GALNTL6: variants seen among roughly 807,000 people sequenced by gnomAD.
GALNTL6 encodes polypeptide N-acetylgalactosaminyltransferase-like 6.
GALNTL6 carries 46 observed loss-of-function variants against 73.7 expected under a neutral mutation model. The observed-to-expected ratio is 0.62, with a 90% CI of 0.49 to 0.80. The LOEUF (loss-of-function observed/expected upper bound fraction) is 0.80. GALNTL6 is among the 30% of genes least tolerant of loss of function. The pLI, the probability that GALNTL6 is intolerant of heterozygous loss-of-function variation, is 0.00. For missense variants in GALNTL6, 604 were observed against 755.0 expected (o/e 0.80, Z 2.34); for synonymous variants, 259 against 263.7 (o/e 0.98, Z 0.17).
At chr4:172,473,875 C>T (rs564086164) in intron 5 of GALNTL6, among the ~76,000 whole-genome samples, 2 of 152,238 alleles carry the variant, frequency 1.3e-5, no homozygotes, top group East Asian at 3.9e-4. Context: ...ACAAATGCAC[C>T]ACTGTTTTCT....
chr4:172,309,420 G>T (rs1740271538), intron 3 of GALNTL6, among the ~76,000 whole-genome samples: 1 of 151,798 alleles, frequency 6.6e-6, no homozygotes, highest in Non-Finnish European at 1.5e-5. Flanking sequence ...TTTAAAAAGT[G>T]TTTTTAAAAT....
intron 7 of GALNTL6, among the ~76,000 whole-genome samples, chr4:172,878,806 A>G (rs1239793028): frequency 6.6e-6 from 1 of 151,888 alleles, no homozygotes; most frequent in East Asian, 1.9e-4. Flanking sequence ...AAAGTAAGTG[A>G]TCTAAATAAT....
chr4:172,890,933 T>C (rs1285860872), intron 8 of GALNTL6, among the ~76,000 whole-genome samples: 1 of 152,232 alleles, frequency 6.6e-6, no homozygotes, highest in Non-Finnish European at 1.5e-5. Context: ...CCATTTGTCA[T>C]TATGTAATGA....
At chr4:172,734,031 C>T (rs1159815942) in intron 5 of GALNTL6, among the ~76,000 whole-genome samples, 1 of 152,124 alleles carries the variant, frequency 6.6e-6, no homozygotes, top group East Asian at 1.9e-4. Context: ...GTGATATGGA[C>T]AATAAAGTCC....
At chr4:171,824,962 T>C (rs2110811824) in intron 2 of GALNTL6, among the ~76,000 whole-genome samples, 1 of 152,294 alleles carries the variant, frequency 6.6e-6, no homozygotes, top group South Asian at 2.1e-4. Flanking sequence ...ACAGAGAATG[T>C]AGCTCTTCCC....
intron 5 of GALNTL6, among the ~76,000 whole-genome samples, chr4:172,408,400 G>T (rs1744311058): frequency 6.6e-6 from 1 of 151,836 alleles, no homozygotes; most frequent in South Asian, 2.1e-4. Context: ...TTTGGGATTT[G>T]AATAAGTCCC....
chr4:172,211,252 A>C (rs1294146960), intron 2 of GALNTL6, among the ~76,000 whole-genome samples: 1 of 152,066 alleles, frequency 6.6e-6, no homozygotes, highest in Non-Finnish European at 1.5e-5. Flanking sequence ...ATTTTGAAAA[A>C]CTGATGTGAG....
intron 4 of GALNTL6, among the ~76,000 whole-genome samples, chr4:172,322,673 C>T (rs896401989): frequency 6.6e-6 from 1 of 151,854 alleles, no homozygotes; most frequent in Non-Finnish European, 1.5e-5. Context: ...TTTAAACAAC[C>T]AAATCTCGTG....
intron 5 of GALNTL6, among the ~76,000 whole-genome samples, chr4:172,573,877 T>C (rs1172775541): frequency 6.6e-6 from 1 of 152,188 alleles, no homozygotes; most frequent in African/African-American, 2.4e-5. Context: ...TAAACAAATA[T>C]GATTGGTTTA....
At chr4:172,177,755 G>GCACA (rs1735055951) in intron 2 of GALNTL6, among the ~76,000 whole-genome samples, 1 of 54,826 alleles carries the variant, frequency 1.8e-5, no homozygotes, top group African/African-American at 4.6e-5. Context: ...GTATATATAT[G>GCACA]TGTGTATATA....
In GALNTL6 at chr4:172,570,743, CTAT is replaced by C. The variant is rs1736730335; in HGVS notation, c.553+222064_553+222066del. Among the ~76,000 whole-genome samples, 3 of 152,188 alleles carry C rather than the reference CTAT, an allele frequency of 2.0e-5. No individual in the cohort carries two copies. In the South Asian group the frequency reaches 6.2e-4, roughly 32 times the overall value. On this transcript the variant is annotated intron_variant, in intron 5 of 12. Transcript: ENST00000506823. ...ATTACATTTATTGTGCACTTTATTT[CTAT>C]TATTATTATATTGTAATATATAACG... is the stretch of plus-strand genomic sequence containing the variant.
At chr4:172,631,450 T>C (rs1739393815) in intron 5 of GALNTL6, among the ~76,000 whole-genome samples, 1 of 152,178 alleles carries the variant, frequency 6.6e-6, no homozygotes, top group Non-Finnish European at 1.5e-5. Context: ...TGGCCAGTAA[T>C]TTTTTGATGT....
intron 5 of GALNTL6, among the ~76,000 whole-genome samples, chr4:172,768,356 C>G (rs1579456261): frequency 1.3e-5 from 2 of 152,090 alleles, no homozygotes; most frequent in South Asian, 4.1e-4. Context: ...CACAGTGATA[C>G]CAGTGGGGTA....
rs923511935 is a variant in GALNTL6, at chr4:172,107,172, C to T, written c.139-122484C>T. On this transcript the variant is annotated intron_variant, in intron 2 of 12. Transcript: ENST00000506823. Reference sequence around the variant, plus strand: ...ACAGGCATGAGCCACTGTGGCCAGCCGATATCACTAGTCATTTTGAACAAC... The same window carrying T: ...ACAGGCATGAGCCACTGTGGCCAGCTGATATCACTAGTCATTTTGAACAAC... Among the ~76,000 whole-genome samples the T allele has an allele frequency of 3.3e-5, 5 of 152,052 alleles. No individual in the cohort carries two copies. In the East Asian group the frequency reaches 5.8e-4, roughly 18 times the overall value.
intron 10 of GALNTL6, among the ~76,000 whole-genome samples, chr4:173,008,075 C>A (rs1752379076): frequency 6.6e-6 from 1 of 152,176 alleles, no homozygotes; most frequent in African/African-American, 2.4e-5. Context: ...TCTAGAGTGA[C>A]ATTTAATTTA....
chr4:172,611,886 G>A (rs1354355322), intron 5 of GALNTL6, among the ~76,000 whole-genome samples: 2 of 152,062 alleles, frequency 1.3e-5, no homozygotes, highest in Non-Finnish European at 2.9e-5. Context: ...AATGCCTCAT[G>A]ATTTATAAGG....
At position 172,952,098 on chromosome 4, in the gene GALNTL6, G is replaced by A; in HGVS notation, c.1211G>A (p.Arg404Gln). 2 of 1,614,076 alleles carry A rather than the reference G, an allele frequency of 1.2e-6. No individual in the cohort carries two copies. Among genetic ancestry groups the A allele is most frequent in the Non-Finnish European group, 1.7e-6 (2 of 1,179,998 alleles). Residue 404 changes from arginine to glutamine, a missense_variant, in exon 10 of 13, where the codon CGG becomes CAG. Physicochemically the swap from Arg to Gln is conservative, Grantham distance 43 (BLOSUM62 1). Coordinates refer to ENST00000506823, the MANE Select transcript of GALNTL6 (RefSeq NM_001034845.3). ...DEFAEYIYQRRPEYRHLSTGD... is the reference protein window; with the variant it reads ...DEFAEYIYQRQPEYRHLSTGD... Reference sequence around the variant, plus strand: ...TTTGCCGAGTACATTTACCAGCGGCGGCCGGAGTACAGGCATCTCTCCACG... The same window carrying A: ...TTTGCCGAGTACATTTACCAGCGGCAGCCGGAGTACAGGCATCTCTCCACG...
intron 6 of GALNTL6, among the ~76,000 whole-genome samples, chr4:172,813,043 T>C (rs984627304): frequency 8.5e-5 from 13 of 152,182 alleles, no homozygotes; most frequent in African/African-American, 3.1e-4. Flanking sequence ...ATTCTATGTA[T>C]GATCTGTCAG....
At chr4:172,958,748 GC>G (rs1225613725) in intron 10 of GALNTL6, among the ~76,000 whole-genome samples, 5 of 152,174 alleles carry the variant, frequency 3.3e-5, no homozygotes, top group Non-Finnish European at 4.4e-5. Context: ...AGGCAGTACA[GC>G]CCAGGTAATT....
Sources: allele counts gnomAD v4.1 joint callset (sites outside exome capture counted in the v4.1 genomes callset), GRCh38; gene constraint gnomAD v4.1.1; transcripts MANE v1.5; gene names NCBI Gene and HGNC (gene_info 2026-07-23, HGNC 2026-07-21).